The following PPFIBP2 variants were observed in gnomAD, a reference collection of about 807,000 sequenced individuals.
PPFIBP2 encodes the protein liprin-beta-2.
A neutral mutation model predicts 118.3 loss-of-function variants in PPFIBP2; 118 were observed. That is an observed-to-expected ratio of 1.00 (90% confidence interval 0.86 to 1.16). The LOEUF is 1.16. Among genes scored for constraint, PPFIBP2 ranks in the 50% most tolerant of loss-of-function variants. PPFIBP2 has a pLI of 0.00. For synonymous variants in PPFIBP2, 414 were observed against 397.4 expected, an observed-to-expected ratio of 1.04 and a Z score of -0.50; for missense variants, 1,195 against 1,073.1, an observed-to-expected ratio of 1.11 and a Z score of -1.59.
chr11:7,646,062 C>A (rs1343989109), intron 17 of PPFIBP2, among the ~76,000 whole-genome samples: 2 of 152,094 alleles, frequency 1.3e-5, no homozygotes, highest in Non-Finnish European at 2.9e-5. Context: ...TTGCTAAGAG[C>A]AAGAGGTAAG....
Position 7,653,400 on chromosome 11 carries a change from T to G in PPFIBP2, c.*182T>G. On this transcript the variant is annotated 3_prime_UTR_variant, in exon 24 of 24. Coordinates refer to ENST00000299492, the MANE Select transcript of PPFIBP2 (RefSeq NM_003621.5). ...TGGCCAGGATCTGGAGCTGCATCTC[T>G]AAGGGGCCAGGCTTTGGGGACCATT... is the stretch of plus-strand genomic sequence containing the variant. 1.3e-6 allele frequency: 2 copies of G among 1,488,526 alleles called. No individual in the cohort carries two copies. The highest frequency in any genetic ancestry group is 1.8e-6 in the Non-Finnish European group (2 of 1,122,958). 92.2% of individuals were successfully genotyped at this position (1,488,526 alleles called of 1,614,324 possible).
At chr11:7,577,345 G>GTGTGTGTGCGTGTGTGTGTGTA in intron 3 of PPFIBP2, 1 of 333,796 alleles carries the variant, frequency 3.0e-6, no homozygotes, top group South Asian at 2.3e-5. Context: ...GTGTGTGTGT[G>GTGTGTGTGCGTGTGTGTGTGTA]TGTGTGTTTG....
chr11:7,579,316 T>G lies in PPFIBP2; in HGVS notation c.279+13549T>G, dbSNP rs116558262. On this transcript the variant is annotated intron_variant, in intron 3 of 23. Transcript: ENST00000299492. ...CTTTATTCATTTTCTCTGCCAAATA[T>G]GTATAAAATTATTGCTTTAGAACCC... Among the ~76,000 whole-genome samples, 813 of 152,330 alleles carry G rather than the reference T, an allele frequency of 5.3e-3. 6 individuals carry two copies. The highest frequency in any genetic ancestry group is 0.017 in the African/African-American group (721 of 41,564).
At chr11:7,627,354 A>G (rs1850159786) in intron 8 of PPFIBP2, among the ~76,000 whole-genome samples, 1 of 152,184 alleles carries the variant, frequency 6.6e-6, no homozygotes, top group Non-Finnish European at 1.5e-5. Context: ...AATCTCCACA[A>G]CTATTTACAC....
At chr11:7,650,597 G>T (rs868290620) in intron 21 of PPFIBP2, among the ~76,000 whole-genome samples, 29 of 152,212 alleles carry the variant, frequency 1.9e-4, no homozygotes, top group African/African-American at 6.3e-4. Flanking sequence ...GAAAATGATG[G>T]AGTAACAGAA....
In PPFIBP2 at chr11:7,641,590, A is replaced by G. The variant is rs1350479639; in HGVS notation, c.1487A>G (p.Asn496Ser). The G allele has an allele frequency of 1.9e-6, 3 of 1,614,018 alleles. No individual in the cohort carries two copies. The Admixed American group carries it at 5.0e-5, about 27-fold the overall frequency. ...QSPLTPDGKR[N>S]PKGIKKFWGK... ...CCTCTGACACCAGATGGTAAACGGAATCCCAAAGGCATTAAGAAGTTCTGG... is the reference window on the plus strand; with the variant it reads ...CCTCTGACACCAGATGGTAAACGGAGTCCCAAAGGCATTAAGAAGTTCTGG... Residue 496 changes from asparagine (N) to serine (S), a missense_variant, in exon 16 of 24, where the codon AAT becomes AGT. Asn to Ser is a conservative substitution (Grantham distance 46, BLOSUM62 1). Transcript: ENST00000299492.
intron 15 of PPFIBP2, chr11:7,641,127 C>G (rs1030186699): frequency 8.3e-7 from 1 of 1,208,096 alleles, no homozygotes; most frequent in Admixed American, 2.3e-5. Flanking sequence ...TACCCTAACC[C>G]TCCCCTTCAC....
chr11:7,552,051 CT>C (rs754884012), intron 2 of PPFIBP2, among the ~76,000 whole-genome samples: 4 of 152,178 alleles, frequency 2.6e-5, no homozygotes, highest in Non-Finnish European at 5.9e-5. Flanking sequence ...GGCTCCTGGG[CT>C]TTTCTGTCTG....
intron 4 of PPFIBP2, among the ~76,000 whole-genome samples, chr11:7,596,383 G>A (rs1049996164): frequency 2.4e-5 from 3 of 125,938 alleles, no homozygotes; most frequent in African/African-American, 6.0e-5. Context: ...GAAAGAGCCC[G>A]TTCTTGTTTT....
intron 17 of PPFIBP2, 41 bp from the exon 18 acceptor site, chr11:7,648,346 C>A: frequency 6.4e-7 from 1 of 1,574,164 alleles, no homozygotes; most frequent in Non-Finnish European, 8.7e-7. Context: ...GAACCTCAGG[C>A]TCTCCCACTA....
intron 2 of PPFIBP2, 70 bp downstream of exon 2, chr11:7,549,609 C>CTTTTTT: frequency 5.8e-5 from 66 of 1,142,844 alleles, no homozygotes; most frequent in South Asian, 1.2e-4. Flanking sequence ...TCTCCTTTTA[C>CTTTTTT]TTTTTTTTTT....
chr11:7,639,668 A>G, intron 14 of PPFIBP2, 64 bp from the exon 15 acceptor site: 1 of 1,606,762 alleles, frequency 6.2e-7, no homozygotes, highest in Non-Finnish European at 8.5e-7. Context: ...TCTGTATCCA[A>G]GGATTTCCTA....
At chr11:7,662,320 G>A in the PPFIBP2 span, among the ~76,000 whole-genome samples, 2 of 152,160 alleles carry the variant, frequency 1.3e-5, no homozygotes, top group African/African-American at 4.8e-5. Context: ...ACTTCCTTCA[G>A]GAGCTCTTTT....
At chr11:7,602,145 G>T (rs1051604953) in intron 5 of PPFIBP2, among the ~76,000 whole-genome samples, 1 of 151,424 alleles carries the variant, frequency 6.6e-6, no homozygotes, top group African/African-American at 2.4e-5. Context: ...CTTTAAGGGA[G>T]GGACAGTCTG....
chr11:7,588,736 C>T (rs1472859134), intron 3 of PPFIBP2, among the ~76,000 whole-genome samples: 2 of 152,192 alleles, frequency 1.3e-5, no homozygotes, highest in Non-Finnish European at 2.9e-5. Context: ...TTTTTTCAGC[C>T]TCTTGAGAGC....
rs755263365 is a variant in PPFIBP2, at chr11:7,549,438, A to G, written c.-36-2A>G. ...TCCTTTGTTCTGTATTTGAATTTTC[A>G]GTAAGAAGAGGAGGAGGCCAGGCAG... On this transcript the variant is annotated splice_acceptor_variant, in intron 1 of 23. Coordinates refer to ENST00000299492, the MANE Select transcript of PPFIBP2 (RefSeq NM_003621.5). LOFTEE classifies it low-confidence loss of function (5UTR_SPLICE). The G allele has an allele frequency of 1.3e-6, 2 of 1,552,410 alleles. No individual in the cohort carries two copies. The highest frequency in any genetic ancestry group is 1.7e-6 in the Non-Finnish European group (2 of 1,147,322).
intron 2 of PPFIBP2, among the ~76,000 whole-genome samples, chr11:7,562,929 TTATATATATATATATATATATATATATA>T (rs60848890): frequency 4.6e-4 from 40 of 86,544 alleles, no homozygotes; most frequent in East Asian, 3.7e-3. Context: ...AATTAAAGTT[TTATATATATATATATATATATATATATA>T]TATATATATA....
chr11:7,635,678 C>G, intron 14 of PPFIBP2, 85 bp downstream of exon 14: 1 of 1,443,168 alleles, frequency 6.9e-7, no homozygotes, highest in Non-Finnish European at 9.7e-7. Context: ...TTTTCATAAC[C>G]TTAAAATGTG....
At chr11:7,604,466 A>G (rs1345725996) in intron 5 of PPFIBP2, among the ~76,000 whole-genome samples, 2 of 138,226 alleles carry the variant, frequency 1.4e-5, no homozygotes, top group African/African-American at 3.2e-5. Flanking sequence ...ACCCACCCAT[A>G]CACGCACACA....
Sources: gnomAD v4.1 joint callset for allele counts (sites outside exome capture counted in the v4.1 genomes callset) on GRCh38, gnomAD v4.1.1 for gene constraint, MANE v1.5 for transcripts, NCBI Gene and HGNC (gene_info 2026-07-23, HGNC 2026-07-21) for gene names.